PAN3: variants seen among roughly 807,000 people sequenced by gnomAD.
The protein encoded by PAN3 is PAN2-PAN3 deadenylation complex subunit PAN3.
Under a neutral mutation model 96.2 loss-of-function variants are expected in PAN3, and 19 were observed. That is an observed-to-expected ratio of 0.20 (90% CI 0.14 to 0.29). The LOEUF (loss-of-function observed/expected upper bound fraction) is 0.29. PAN3 is among the 10% of genes least tolerant of loss of function. The pLI, the probability that PAN3 is intolerant of heterozygous loss-of-function variation, is 1.00. For missense variants in PAN3, 882 were observed against 1,108.1 expected, an observed-to-expected ratio of 0.80 and a Z score of 2.90; for synonymous variants, 433 against 406.6, an observed-to-expected ratio of 1.06 and a Z score of -0.78.
Position 28,256,317 on chromosome 13 carries a change from C to G in PAN3, c.1026C>G (p.Ser342=), listed in dbSNP as rs1339835129. The G allele has an allele frequency of 1.9e-6, 3 of 1,613,736 alleles. No individual in the cohort carries two copies. Among genetic ancestry groups the G allele is most frequent in the Non-Finnish European group, 2.5e-6 (3 of 1,179,758 alleles). ...GAATGTCGTTGTCTGCTGGGTCTTC[C>G]CCTCTTCATTCCCCCAAGATTACTC... ...APGMSLSAGS[S]PLHSPKITPH... The change falls in exon 7 of 19, where the codon TCC becomes TCG. Residue 342 remains serine, a synonymous_variant. Coordinates refer to ENST00000380958, the MANE Select transcript of PAN3 (RefSeq NM_175854.8).
At chr13:28,171,979 G>A (rs1034620626) in intron 1 of PAN3, among the ~76,000 whole-genome samples, 1 of 152,156 alleles carries the variant, frequency 6.6e-6, no homozygotes, top group East Asian at 1.9e-4. Context: ...GTCTGTGTTA[G>A]GAACCGAGGT....
chr13:28,218,901 T>C (rs1031391054), intron 5 of PAN3, among the ~76,000 whole-genome samples: 4 of 152,194 alleles, frequency 2.6e-5, no homozygotes, highest in Non-Finnish European at 5.9e-5. Flanking sequence ...TTGGACTATT[T>C]TATCAAGATA....
intron 6 of PAN3, among the ~76,000 whole-genome samples, chr13:28,229,402 C>T (rs945730432): frequency 1.3e-5 from 2 of 152,248 alleles, no homozygotes; most frequent in Non-Finnish European, 2.9e-5. Context: ...TTCCATAGTA[C>T]TCTCTGGCTT....
At chr13:28,272,750 G>A (rs1886736781) in intron 14 of PAN3, among the ~76,000 whole-genome samples, 1 of 151,986 alleles carries the variant, frequency 6.6e-6, no homozygotes, top group Non-Finnish European at 1.5e-5. Flanking sequence ...TGTATTTTTA[G>A]TAAAGACAGG....
intron 6 of PAN3, among the ~76,000 whole-genome samples, chr13:28,223,690 A>G (rs1348212646): frequency 2.6e-5 from 4 of 151,890 alleles, no homozygotes; most frequent in African/African-American, 9.7e-5. Flanking sequence ...CTTAAGACTA[A>G]TTTCCAGAGT....
intron 5 of PAN3, among the ~76,000 whole-genome samples, chr13:28,219,690 C>T (rs1485316771): frequency 6.6e-6 from 1 of 152,174 alleles, no homozygotes; most frequent in Non-Finnish European, 1.5e-5. Flanking sequence ...ATTAGGATCG[C>T]TTTAGTTTTT....
At chr13:28,192,528 T>C (rs1877427513) in intron 4 of PAN3, among the ~76,000 whole-genome samples, 1 of 152,248 alleles carries the variant, frequency 6.6e-6, no homozygotes, top group Non-Finnish European at 1.5e-5. Context: ...CATATTTTCC[T>C]ATCTAGGCAC....
chr13:28,155,709 T>C (rs1872058814), intron 1 of PAN3, among the ~76,000 whole-genome samples: 3 of 152,150 alleles, frequency 2.0e-5, no homozygotes, highest in South Asian at 2.1e-4. Context: ...TATATATATA[T>C]ACACATCTCA....
chr13:28,199,804 A>G (rs868640452), intron 5 of PAN3, among the ~76,000 whole-genome samples: 4 of 152,162 alleles, frequency 2.6e-5, no homozygotes, highest in South Asian at 4.1e-4. Context: ...TATACTAGTT[A>G]AAAGAATTGT....
At chr13:28,245,562 A>G (rs1031213962) in intron 6 of PAN3, among the ~76,000 whole-genome samples, 1 of 152,114 alleles carries the variant, frequency 6.6e-6, no homozygotes, top group African/African-American at 2.4e-5. Flanking sequence ...CTTTTAAAGT[A>G]TGTAATTCAG....
At chr13:28,247,493 G>T (rs769744575) in intron 6 of PAN3, among the ~76,000 whole-genome samples, 1 of 151,882 alleles carries the variant, frequency 6.6e-6, no homozygotes, top group Non-Finnish European at 1.5e-5. Flanking sequence ...GAGATCTTAC[G>T]CAAAATATCT....
chr13:28,257,670 G>C (rs1885256279), intron 7 of PAN3, among the ~76,000 whole-genome samples: 1 of 118,690 alleles, frequency 8.4e-6, no homozygotes, highest in Non-Finnish European at 1.9e-5. Flanking sequence ...TTATATATAT[G>C]TAAAGTTATT....
At position 28,154,536 on chromosome 13, in the gene PAN3, C is replaced by G. The variant is rs527919359; in HGVS notation, c.430+15449C>G. Among the ~76,000 whole-genome samples, 6 of 152,076 alleles carry G rather than the reference C, an allele frequency of 3.9e-5. No individual in the cohort carries two copies. The South Asian group carries it at 1.2e-3, about 32-fold the overall frequency. The stretch of plus-strand genomic sequence containing the variant: ...TGAGACAGAGTTTCACTCTTGTCGC[C>G]CAGGGTGGAGTACAATGGCACGATT... On this transcript the variant is annotated intron_variant, in intron 1 of 18. Transcript: ENST00000380958.
chr13:28,194,545 A>G (rs796203691), intron 4 of PAN3, among the ~76,000 whole-genome samples: 2 of 145,402 alleles, frequency 1.4e-5, no homozygotes, highest in African/African-American at 5.1e-5. Flanking sequence ...ATCTCGGCTC[A>G]ATGCAACCTC....
At chr13:28,201,284 TCC>T (rs1469382021) in intron 5 of PAN3, among the ~76,000 whole-genome samples, 1 of 151,910 alleles carries the variant, frequency 6.6e-6, no homozygotes, top group Non-Finnish European at 1.5e-5. Flanking sequence ...GCTCAAGCTA[TCC>T]TCCTGCCTTG....
At chr13:28,242,459 T>G (rs1248383024) in intron 6 of PAN3, among the ~76,000 whole-genome samples, 3 of 152,116 alleles carry the variant, frequency 2.0e-5, no homozygotes, top group African/African-American at 2.4e-5. Flanking sequence ...ACAGAGAGGA[T>G]TAAGGCACAG....
chr13:28,220,473 T>C, intron 6 of PAN3, 95 bp downstream of exon 6: 1 of 1,388,830 alleles, frequency 7.2e-7, no homozygotes, highest in Non-Finnish European at 9.7e-7. Flanking sequence ...TATACTTGAA[T>C]GATTCACATT....
At chr13:28,250,355 G>A (rs1174603660) in intron 6 of PAN3, among the ~76,000 whole-genome samples, 17 of 151,754 alleles carry the variant, frequency 1.1e-4, no homozygotes, top group Admixed American at 9.9e-4. Flanking sequence ...ACCATGTCTG[G>A]TTTATTTTAA....
intron 5 of PAN3, among the ~76,000 whole-genome samples, chr13:28,208,634 G>T (rs1282464406): frequency 1.3e-5 from 2 of 152,060 alleles, no homozygotes; most frequent in African/African-American, 4.8e-5. Flanking sequence ...TGAGCATCAT[G>T]TTTGAGCTCA....
Sources: gnomAD v4.1 joint callset for allele counts (sites outside exome capture counted in the v4.1 genomes callset) on GRCh38, gnomAD v4.1.1 for gene constraint, MANE v1.5 for transcripts, NCBI Gene and HGNC (gene_info 2026-07-23, HGNC 2026-07-21) for gene names.